Variants in SUSD6 observed in about 807,000 individuals in gnomAD.
SUSD6 encodes the protein sushi domain-containing protein 6.
A neutral mutation model predicts 28.4 loss-of-function variants in SUSD6; 16 were observed. The observed-to-expected ratio is 0.56, with a 90% CI of 0.38 to 0.86. The LOEUF is 0.86. Among genes scored for constraint, SUSD6 ranks in the 40% least tolerant of loss-of-function variants. The probability of loss-of-function intolerance (pLI) is 0.00; values close to 1 mark genes in which losing one functional copy is unlikely to be tolerated. For missense variants in SUSD6, 341 were observed against 384.2 expected (o/e 0.89, Z 0.94); for synonymous variants, 147 against 159.6 (o/e 0.92, Z 0.59).
intron 2 of SUSD6, 39 bp from the exon 3 acceptor site, chr14:69,703,356 C>T: frequency 6.5e-7 from 1 of 1,535,558 alleles, no homozygotes; most frequent in Non-Finnish European, 9.0e-7. Flanking sequence ...CTACTGGATA[C>T]CTCACCACTG....
At chr14:69,653,518 C>G (rs1029507135) in intron 1 of SUSD6, among the ~76,000 whole-genome samples, 10 of 152,194 alleles carry the variant, frequency 6.6e-5, no homozygotes, top group Non-Finnish European at 1.3e-4. Context: ...TTGAGGCCCT[C>G]TCCTCTGTCT....
At chr14:69,617,893 G>A (rs1884982431) in intron 1 of SUSD6, among the ~76,000 whole-genome samples, 2 of 152,168 alleles carry the variant, frequency 1.3e-5, no homozygotes. Context: ...TGAAAATGTA[G>A]ATCTGAGAAA....
chr14:69,659,346 C>G (rs1348390657), intron 2 of SUSD6, among the ~76,000 whole-genome samples: 1 of 152,212 alleles, frequency 6.6e-6, no homozygotes, highest in Admixed American at 6.5e-5. Context: ...TTCTAGGGCT[C>G]AGTTTTTCCC....
At chr14:69,658,850 A>C (rs1368824969) in intron 2 of SUSD6, 137 bp downstream of exon 2, 1 of 1,130,762 alleles carries the variant, frequency 8.8e-7, no homozygotes, top group East Asian at 2.4e-5. Flanking sequence ...TTTGTGGTAA[A>C]TATAGCAGGG....
At chr14:69,618,131 G>A (rs773212497) in intron 1 of SUSD6, among the ~76,000 whole-genome samples, 1 of 152,156 alleles carries the variant, frequency 6.6e-6, no homozygotes, top group Non-Finnish European at 1.5e-5. Context: ...GGAACCACAG[G>A]TTGAGTTTCC....
chr14:69,684,654 G>T (rs1566603246), intron 2 of SUSD6, among the ~76,000 whole-genome samples: 3 of 152,378 alleles, frequency 2.0e-5, no homozygotes, highest in Admixed American at 6.5e-5. Flanking sequence ...GGTGTGGCCA[G>T]TGGAAACATC....
intron 1 of SUSD6, among the ~76,000 whole-genome samples, chr14:69,651,070 TTTC>T (rs139866000): frequency 0.048 from 7,364 of 152,256 alleles, 221 homozygotes; most frequent in East Asian, 0.15. Context: ...ACATTCCAGT[TTTC>T]TTACAGCTGA....
chr14:69,677,284 G>A (rs960059780), intron 2 of SUSD6, among the ~76,000 whole-genome samples: 1 of 152,178 alleles, frequency 6.6e-6, no homozygotes, highest in Non-Finnish European at 1.5e-5. Context: ...GGTGGCTTAC[G>A]CCTGTAATCC....
At chr14:69,680,345 A>G (rs1885980522) in intron 2 of SUSD6, among the ~76,000 whole-genome samples, 1 of 152,194 alleles carries the variant, frequency 6.6e-6, no homozygotes, top group Non-Finnish European at 1.5e-5. Flanking sequence ...AGTCAAGGAT[A>G]TAAACAATGG....
intron 1 of SUSD6, among the ~76,000 whole-genome samples, chr14:69,644,674 G>A (rs763931491): frequency 2.5e-4 from 38 of 152,058 alleles, no homozygotes; most frequent in Non-Finnish European, 4.3e-4. Context: ...TTCTCAGGAC[G>A]TGTCCTCATC....
At chr14:69,641,790 AG>A (rs367828111) in intron 1 of SUSD6, among the ~76,000 whole-genome samples, 11,154 of 150,778 alleles carry the variant, frequency 0.074, 730 homozygotes, top group African/African-American at 0.17. Flanking sequence ...TGTAGAGAGG[AG>A]GGGGGGTCTC....
rs115407412 is a variant in SUSD6, at chr14:69,620,943, C to T, written c.-81+9115C>T. On this transcript the variant is annotated intron_variant, in intron 1 of 5. Coordinates refer to ENST00000342745, the MANE Select transcript of SUSD6 (RefSeq NM_014734.4). ...CTTTTTTCTTCCATCTCCCTCAAGC[C>T]TCAATTTTAGATAGAAATGTTGATT... is the stretch of plus-strand genomic sequence containing the variant. 1.7e-3 allele frequency among the ~76,000 whole-genome samples: 263 copies of T among 152,276 alleles called. 1 individual carries two copies. Among genetic ancestry groups the T allele is most frequent in the African/African-American group, 5.9e-3 (246 of 41,548 alleles).
intron 2 of SUSD6, among the ~76,000 whole-genome samples, chr14:69,662,157 C>G (rs1194113401): frequency 6.6e-6 from 1 of 152,088 alleles, no homozygotes; most frequent in South Asian, 2.1e-4. Context: ...TAAGTGGGTG[C>G]TTGTAAAATA....
At position 69,714,457 on chromosome 14, in the gene SUSD6, G is replaced by T. The variant is rs1193730931; in HGVS notation, c.*3478G>T. 1 of 152,114 alleles carries T rather than the reference G, an allele frequency of 6.6e-6. No homozygotes were observed. The highest frequency in any genetic ancestry group is 1.5e-5 in the Non-Finnish European group (1 of 68,026). 9.4% of individuals were successfully genotyped at this position (152,114 alleles called of 1,614,324 possible). A position where few individuals can be genotyped will look rare whatever the true frequency, so the allele number is the denominator to read the frequency against. ...CCTCACCCCCAAAGAAAAAAAAAAG[G>T]CCTAGCAGGGAAGCAGCATGCAGGC... On this transcript the variant is annotated 3_prime_UTR_variant, in exon 6 of 6. Coordinates refer to ENST00000342745, the MANE Select transcript of SUSD6 (RefSeq NM_014734.4).
At chr14:69,629,716 T>C (rs923600370) in intron 1 of SUSD6, among the ~76,000 whole-genome samples, 1 of 152,214 alleles carries the variant, frequency 6.6e-6, no homozygotes, top group Non-Finnish European at 1.5e-5. Flanking sequence ...TGCCAGCTTC[T>C]TGCCGTGAGG....
intron 1 of SUSD6, among the ~76,000 whole-genome samples, chr14:69,646,493 T>G (rs1160248699): frequency 6.6e-6 from 1 of 152,164 alleles, no homozygotes; most frequent in African/African-American, 2.4e-5. Flanking sequence ...CTATAGGGTT[T>G]CACATTCATT....
rs8014337 is a variant in SUSD6 at position 69,686,052 on chromosome 14, A to G, written c.122-17343A>G. ...TTTTGTAAGGATGAGTTGAAAATGG[A>G]AAAATGAAATGACTAATGGTAGTTG... is the stretch of plus-strand genomic sequence containing the variant. On this transcript the variant is annotated intron_variant, in intron 2 of 5. Transcript: ENST00000342745. Among the ~76,000 whole-genome samples the G allele has an allele frequency of 7.4e-3, 1,131 of 152,340 alleles. 15 individuals are homozygous for G. The highest frequency in any genetic ancestry group is 0.026 in the African/African-American group (1,061 of 41,582).
chr14:69,666,519 A>G (rs1342764002), intron 2 of SUSD6, among the ~76,000 whole-genome samples: 2 of 152,214 alleles, frequency 1.3e-5, no homozygotes, highest in African/African-American at 2.4e-5. Context: ...CCAAAACACA[A>G]CTGGGAGAAT....
intron 1 of SUSD6, among the ~76,000 whole-genome samples, chr14:69,649,674 A>G (rs1885476187): frequency 6.6e-6 from 1 of 152,240 alleles, no homozygotes; most frequent in Non-Finnish European, 1.5e-5. Flanking sequence ...GAAATGCAGC[A>G]TACAAAAGTT....
Sources: gnomAD v4.1 joint callset for allele counts (sites outside exome capture counted in the v4.1 genomes callset) on GRCh38, gnomAD v4.1.1 for gene constraint, MANE v1.5 for transcripts, NCBI Gene and HGNC (gene_info 2026-07-23, HGNC 2026-07-21) for gene names.